The following REC114 variants were observed in gnomAD, a reference collection of about 807,000 sequenced individuals.
The protein encoded by REC114 is meiotic recombination protein REC114.
A neutral mutation model predicts 31.3 loss-of-function variants in REC114; 27 were observed. The observed-to-expected ratio is 0.86, with a 90% CI of 0.64 to 1.19. The LOEUF is 1.19. Ranked by LOEUF, REC114 falls within the 50% of genes most tolerant of loss-of-function variation. The pLI is 0.00. For synonymous variants in REC114, 134 were observed against 127.7 expected, an observed-to-expected ratio of 1.05 and a Z score of -0.33; for missense variants, 344 against 326.9, an observed-to-expected ratio of 1.05 and a Z score of -0.40.
chr15:73,504,434 T>G (rs1893648365), intron 2 of REC114, among the ~76,000 whole-genome samples: 1 of 152,202 alleles, frequency 6.6e-6, no homozygotes, highest in South Asian at 2.1e-4. Flanking sequence ...CCTACTGATT[T>G]GGAATGCAAC....
At chr15:73,478,157 G>A (rs1893240310) in intron 2 of REC114, among the ~76,000 whole-genome samples, 1 of 151,192 alleles carries the variant, frequency 6.6e-6, no homozygotes, top group Non-Finnish European at 1.5e-5. Context: ...CCAGTGACTC[G>A]GGAGGCTGAG....
chr15:73,445,551 A>C (rs1892752784), intron 1 of REC114, among the ~76,000 whole-genome samples: 1 of 152,140 alleles, frequency 6.6e-6, no homozygotes, highest in Non-Finnish European at 1.5e-5. Flanking sequence ...TTCCTCACTA[A>C]GCTTAATCAT....
chr15:73,445,257 C>A (rs1024174910), intron 1 of REC114, among the ~76,000 whole-genome samples: 3 of 152,192 alleles, frequency 2.0e-5, no homozygotes, highest in Non-Finnish European at 2.9e-5. Flanking sequence ...TCCTCTTTAG[C>A]TATGAACGTC....
Position 73,551,144 on chromosome 15 carries a change from G to A in REC114, c.540G>A (p.Gln180=), listed in dbSNP as rs751928814. ...GKDSAKSVPR[Q]PGSHQHSEQQ... ...ATTCTGCAAAGAGTGTCCCACGGCA[G>A]CCTGGAGTAAGTAGGCTGATGTGTT... The change falls in exon 4 of 6, where the codon CAG becomes CAA. Residue 180 remains glutamine, a synonymous_variant. Coordinates refer to ENST00000331090, the MANE Select transcript of REC114 (RefSeq NM_001042367.2). 4 of 1,602,672 alleles carry A rather than the reference G, an allele frequency of 2.5e-6. No homozygotes were observed. The Admixed American group carries it at 5.2e-5, about 21-fold the overall frequency.
chr15:73,503,997 A>ATTTTTTT (rs71137349), intron 2 of REC114, among the ~76,000 whole-genome samples: 1 of 63,998 alleles, frequency 1.6e-5, no homozygotes, highest in Non-Finnish European at 2.9e-5. Context: ...TCCCATAGGA[A>ATTTTTTT]TTTTTTTTTT....
chr15:73,470,681 T>C (rs780946381), intron 1 of REC114, among the ~76,000 whole-genome samples: 1 of 152,124 alleles, frequency 6.6e-6, no homozygotes, highest in Non-Finnish European at 1.5e-5. Flanking sequence ...CAAGTAAATA[T>C]AACAAAGTGG....
At chr15:73,444,765 C>T (rs1256880012) in intron 1 of REC114, among the ~76,000 whole-genome samples, 1 of 152,130 alleles carries the variant, frequency 6.6e-6, no homozygotes, top group Non-Finnish European at 1.5e-5. Context: ...ATTAACTGCC[C>T]AGATCCATCA....
chr15:73,551,176 A>T (rs1258825701), intron 4 of REC114, 26 bp downstream of exon 4: 1 of 1,567,118 alleles, frequency 6.4e-7, no homozygotes, highest in Non-Finnish European at 8.7e-7. Context: ...TGTTGGTTAT[A>T]CAGGAAACAT....
intron 4 of REC114, among the ~76,000 whole-genome samples, chr15:73,554,415 C>A (rs938381379): frequency 2.6e-5 from 4 of 152,146 alleles, no homozygotes; most frequent in Non-Finnish European, 5.9e-5. Flanking sequence ...TTTTGTAGTA[C>A]CTATATATTT....
At chr15:73,499,349 A>G (rs1893572474) in intron 2 of REC114, among the ~76,000 whole-genome samples, 1 of 152,086 alleles carries the variant, frequency 6.6e-6, no homozygotes. Flanking sequence ...TTTAAATAGC[A>G]AAGTCAAGTA....
At chr15:73,445,873 G>C (rs1454194570) in intron 1 of REC114, among the ~76,000 whole-genome samples, 1 of 152,164 alleles carries the variant, frequency 6.6e-6, no homozygotes, top group Non-Finnish European at 1.5e-5. Flanking sequence ...GAAAAAGCTT[G>C]AAATATTGTG....
At chr15:73,491,515 A>G (rs1893446781) in intron 2 of REC114, among the ~76,000 whole-genome samples, 3 of 152,190 alleles carry the variant, frequency 2.0e-5, no homozygotes, top group Admixed American at 2.0e-4. Context: ...CTTTTGGGTA[A>G]CACCTTAGAG....
intron 2 of REC114, among the ~76,000 whole-genome samples, chr15:73,481,194 C>T (rs925514118): frequency 3.3e-5 from 5 of 152,106 alleles, no homozygotes; most frequent in African/African-American, 1.2e-4. Context: ...CAAAACACGT[C>T]AACATGGTTT....
intron 2 of REC114, among the ~76,000 whole-genome samples, chr15:73,537,921 TTC>T (rs1190741476): frequency 1.3e-5 from 2 of 152,312 alleles, no homozygotes; most frequent in African/African-American, 2.4e-5. Context: ...CATTGTTATG[TTC>T]TCTCTTATTA....
chr15:73,518,929 G>C (rs1322950924), intron 2 of REC114, among the ~76,000 whole-genome samples: 1 of 152,108 alleles, frequency 6.6e-6, no homozygotes, highest in East Asian at 1.9e-4. Context: ...CCGTGGGGCT[G>C]AATACTAACT....
At chr15:73,514,348 C>G (rs1233599884) in intron 2 of REC114, among the ~76,000 whole-genome samples, 2 of 151,846 alleles carry the variant, frequency 1.3e-5, no homozygotes, top group South Asian at 2.1e-4. Context: ...CTGTCTGGCA[C>G]TCCCTAGTGA....
chr15:73,531,368 C>A (rs1212807017), intron 2 of REC114, among the ~76,000 whole-genome samples: 1 of 152,154 alleles, frequency 6.6e-6, no homozygotes, highest in Admixed American at 6.5e-5. Flanking sequence ...TGATGGCTTC[C>A]TTTTTATCTC....
chr15:73,455,879 G>A (rs1173156211), intron 1 of REC114, among the ~76,000 whole-genome samples: 4 of 152,170 alleles, frequency 2.6e-5, no homozygotes, highest in African/African-American at 4.8e-5. Context: ...TGGGGAATGA[G>A]ATTCTAGTTC....
chr15:73,505,659 G>GT (rs1267489508), intron 2 of REC114, among the ~76,000 whole-genome samples: 1 of 152,150 alleles, frequency 6.6e-6, no homozygotes, highest in African/African-American at 2.4e-5. Flanking sequence ...AGCCTCCTGA[G>GT]TAGCTGGGAC....
Sources: gnomAD v4.1 joint callset for allele counts (sites outside exome capture counted in the v4.1 genomes callset) on GRCh38, gnomAD v4.1.1 for gene constraint, MANE v1.5 for transcripts, NCBI Gene and HGNC (gene_info 2026-07-23, HGNC 2026-07-21) for gene names.